Variants in AKAP19 observed in about 807,000 individuals in gnomAD.
AKAP19 encodes the protein A-kinase anchoring protein 19.
chr2:189,940,133 G>T, the AKAP19 span, among the ~76,000 whole-genome samples: 3 of 152,194 alleles, frequency 2.0e-5, no homozygotes, highest in South Asian at 4.1e-4. Context: ...CAAAAATTTA[G>T]CCTAGTGTGG....
At chr2:190,048,747 A>G in the AKAP19 span, among the ~76,000 whole-genome samples, 2 of 152,224 alleles carry the variant, frequency 1.3e-5, no homozygotes, top group Non-Finnish European at 2.9e-5. Flanking sequence ...CTTTAGGTCA[A>G]CAGAATCCAT....
At chr2:189,981,416 T>G in the AKAP19 span, among the ~76,000 whole-genome samples, 2 of 152,278 alleles carry the variant, frequency 1.3e-5, no homozygotes, top group South Asian at 4.1e-4. Flanking sequence ...GAGATGGATC[T>G]CTTGAAGATA....
chr2:190,195,351 T>G, the AKAP19 span, among the ~76,000 whole-genome samples: 2 of 148,552 alleles, frequency 1.3e-5, no homozygotes, highest in Non-Finnish European at 3.0e-5. Context: ...GAAGCAGAAC[T>G]GCTGGATCAT....
the AKAP19 span, among the ~76,000 whole-genome samples, chr2:190,106,723 C>T: frequency 6.6e-6 from 1 of 152,054 alleles, no homozygotes; most frequent in Admixed American, 6.6e-5. Flanking sequence ...GGAAATTCAA[C>T]AGATTCAACA....
At chr2:190,007,585 C>T in the AKAP19 span, among the ~76,000 whole-genome samples, 1 of 152,152 alleles carries the variant, frequency 6.6e-6, no homozygotes, top group Admixed American at 6.5e-5. Context: ...TGTGCCTCCT[C>T]CATGCCCTCA....
At chr2:189,923,589 C>A in the AKAP19 span, 1 of 1,614,062 alleles carries the variant, frequency 6.2e-7, no homozygotes, top group Non-Finnish European at 8.5e-7. Context: ...ATTAACCTGG[C>A]TGCAGAGCCA....
chr2:190,187,997 A>G, the AKAP19 span, among the ~76,000 whole-genome samples: 3 of 152,192 alleles, frequency 2.0e-5, no homozygotes, highest in Admixed American at 1.3e-4. Flanking sequence ...TTCAAATAAC[A>G]TTGAAACATG....
the AKAP19 span, among the ~76,000 whole-genome samples, chr2:190,046,139 G>A: frequency 1.1e-4 from 17 of 151,634 alleles, no homozygotes; most frequent in African/African-American, 3.9e-4. Flanking sequence ...TAGTCCCAGC[G>A]TGAGTACCTG....
chr2:190,165,991 A>T, the AKAP19 span, among the ~76,000 whole-genome samples: 1 of 152,184 alleles, frequency 6.6e-6, no homozygotes, highest in African/African-American at 2.4e-5. Context: ...AGAAAGTTGT[A>T]TTTAGAAAAA....
chr2:190,055,251 T>C, the AKAP19 span, among the ~76,000 whole-genome samples: 5 of 145,826 alleles, frequency 3.4e-5, no homozygotes, highest in African/African-American at 1.3e-4. Context: ...ACACCACATA[T>C]TCTCACTCAT....
the AKAP19 span, among the ~76,000 whole-genome samples, chr2:189,989,278 C>T: frequency 5.3e-5 from 4 of 74,972 alleles, no homozygotes; most frequent in South Asian, 6.1e-4. Context: ...CTACCTTCCC[C>T]GCAAAAAAAA....
chr2:190,195,823 G>A, the AKAP19 span, among the ~76,000 whole-genome samples: 12,613 of 151,736 alleles, frequency 0.083, 1,059 homozygotes, highest in African/African-American at 0.21. Context: ...AAAGGTTGTC[G>A]CCAAACCCAA....
At chr2:190,170,084 T>C in the AKAP19 span, among the ~76,000 whole-genome samples, 4 of 152,186 alleles carry the variant, frequency 2.6e-5, no homozygotes, top group African/African-American at 7.2e-5. Flanking sequence ...TTCTGCAGGA[T>C]GGGAAGTCGA....
At chr2:189,977,247 C>T in the AKAP19 span, among the ~76,000 whole-genome samples, 1 of 152,210 alleles carries the variant, frequency 6.6e-6, no homozygotes, top group Non-Finnish European at 1.5e-5. Flanking sequence ...TTCCTGAGTG[C>T]CTTCTATATG....
chr2:190,037,931 GT>G, the AKAP19 span, among the ~76,000 whole-genome samples: 2 of 152,130 alleles, frequency 1.3e-5, no homozygotes, highest in African/African-American at 2.4e-5. Flanking sequence ...AATGAAAACT[GT>G]ATGATTCCAC....
chr2:190,201,957 C>T, the AKAP19 span: 48,828 of 166,842 alleles, frequency 0.29, 8,451 homozygotes, highest in East Asian at 0.47. Flanking sequence ...GCAAGGTCAT[C>T]TGCTGCTTAA....
chr2:189,924,022 G>A, the AKAP19 span: 2 of 1,566,210 alleles, frequency 1.3e-6, no homozygotes, highest in East Asian at 2.2e-5. Context: ...GCAGCTCCGT[G>A]AAGAAAGATG....
the AKAP19 span, among the ~76,000 whole-genome samples, chr2:190,187,409 C>CTTT: frequency 0.048 from 6,350 of 131,180 alleles, 366 homozygotes; most frequent in East Asian, 0.13. Context: ...TTAGAAGTTA[C>CTTT]TTTTTTTTTT....
At chr2:190,057,880 TA>T in the AKAP19 span, among the ~76,000 whole-genome samples, 1 of 152,056 alleles carries the variant, frequency 6.6e-6, no homozygotes, top group Non-Finnish European at 1.5e-5. Context: ...TTTTAAGTTT[TA>T]TTTTTCCAAG....
Sources: gnomAD v4.1 joint callset for allele counts (sites outside exome capture counted in the v4.1 genomes callset) on GRCh38, gnomAD v4.1.1 for gene constraint, MANE v1.5 for transcripts, NCBI Gene and HGNC (gene_info 2026-07-23, HGNC 2026-07-21) for gene names.